LSM11: variants seen among roughly 807,000 people sequenced by gnomAD.
The protein encoded by LSM11 is U7 snRNA-associated Sm-like protein LSm11.
A neutral mutation model predicts 28.1 loss-of-function variants in LSM11; 14 were observed. The observed-to-expected ratio is 0.50, with a 90% CI of 0.33 to 0.78. The LOEUF is 0.78. Ranked by LOEUF, LSM11 falls within the 30% of genes least tolerant of loss-of-function variation. The pLI is 0.02. For synonymous variants in LSM11, 207 were observed against 214.2 expected, an observed-to-expected ratio of 0.97 and a Z score of 0.30; for missense variants, 495 against 510.6, an observed-to-expected ratio of 0.97 and a Z score of 0.30.
chr5:157,754,185 A>G (rs977381343), intron 3 of LSM11, 98 bp downstream of exon 3: 73 of 772,200 alleles, frequency 9.5e-5, no homozygotes, highest in Non-Finnish European at 1.3e-4. Flanking sequence ...CTAGAGGGAA[A>G]TCTCTGTTGC....
At chr5:157,752,676 A>G (rs1478393072) in intron 2 of LSM11, among the ~76,000 whole-genome samples, 3 of 151,376 alleles carry the variant, frequency 2.0e-5, no homozygotes, top group Middle Eastern at 3.2e-3. Flanking sequence ...GGAAACCCCC[A>G]TCTCTACTAA....
chr5:157,754,452 G>C (rs1761290201), intron 3 of LSM11, among the ~76,000 whole-genome samples: 1 of 152,116 alleles, frequency 6.6e-6, no homozygotes, highest in East Asian at 1.9e-4. Context: ...CCAGCACTTT[G>C]GGAGGCCGAG....
intron 1 of LSM11, 55 bp downstream of exon 1, chr5:157,744,253 C>T: frequency 8.3e-7 from 1 of 1,208,908 alleles, no homozygotes; most frequent in Non-Finnish European, 1.0e-6. Flanking sequence ...AAGCTGGCTG[C>T]CGAGGGGGCG....
At position 157,760,441 on chromosome 5, in the gene LSM11, T is replaced by C. The variant is rs1016673957; in HGVS notation, c.*5177T>C. 6.6e-6 allele frequency: 1 copy of C among 152,212 alleles called. No homozygotes were observed. Among genetic ancestry groups the C allele is most frequent in the Non-Finnish European group, 1.5e-5 (1 of 68,038 alleles). 9.4% of individuals were successfully genotyped at this position (152,212 alleles called of 1,614,324 possible). On this transcript the variant is annotated 3_prime_UTR_variant, in exon 4 of 4. Coordinates refer to ENST00000286307, the MANE Select transcript of LSM11 (RefSeq NM_173491.4). The stretch of plus-strand genomic sequence containing the variant: ...GCCTTCTCTTTGGCAACCCTGGGGA[T>C]ACTCCTCTGCACCATAACTTATTAA...
chr5:157,754,705 A>G (rs1761294790), intron 3 of LSM11, 149 bp from the exon 4 acceptor site: 2 of 693,726 alleles, frequency 2.9e-6, no homozygotes, highest in Non-Finnish European at 4.5e-6. Flanking sequence ...AAAAAAAAAA[A>G]AAAAAAAAGA....
rs140668241 is a variant in LSM11, at chr5:157,744,661, C to T, written c.448+463C>T. On this transcript the variant is annotated intron_variant, in intron 1 of 3. Coordinates refer to ENST00000286307, the MANE Select transcript of LSM11 (RefSeq NM_173491.4). ...GACCACAGTGAGAGGTAAGGTGGGG[C>T]GGAAAACGGGAGACGTGGGGGAGCG... 3.9e-3 allele frequency among the ~76,000 whole-genome samples: 584 copies of T among 151,656 alleles called. 3 individuals carry two copies. Among genetic ancestry groups the T allele is most frequent in the African/African-American group, 0.013 (523 of 41,284 alleles).
At chr5:157,748,441 A>T (rs73309097) in intron 1 of LSM11, among the ~76,000 whole-genome samples, 1 of 152,156 alleles carries the variant, frequency 6.6e-6, no homozygotes, top group Non-Finnish European at 1.5e-5. Flanking sequence ...AAGATTTCCA[A>T]TTTATCTGTT....
intron 2 of LSM11, 52 bp from the exon 3 acceptor site, chr5:157,753,952 A>G: frequency 1.3e-5 from 7 of 546,028 alleles, no homozygotes; most frequent in Non-Finnish European, 1.7e-5. Context: ...AAGCTATACA[A>G]ATAATAATTT....
intron 1 of LSM11, among the ~76,000 whole-genome samples, chr5:157,745,743 A>G (rs1429689570): frequency 6.6e-6 from 1 of 152,234 alleles, no homozygotes; most frequent in Non-Finnish European, 1.5e-5. Flanking sequence ...CCTGGAATCA[A>G]GATCTCAGAG....
rs1464649720 is a variant in LSM11, at chr5:157,760,014, T to C, written c.*4750T>C. 2.0e-5 allele frequency: 3 copies of C among 152,242 alleles called. No individual in the cohort carries two copies. The highest frequency in any genetic ancestry group is 4.4e-5 in the Non-Finnish European group (3 of 68,042). The allele number at this position is 152,242 out of a possible 1,614,324, so 9.4% of individuals were successfully genotyped here. On this transcript the variant is annotated 3_prime_UTR_variant, in exon 4 of 4. Coordinates refer to ENST00000286307, the MANE Select transcript of LSM11 (RefSeq NM_173491.4). ...GAAGATCTGCGGGGAAAAATAAGTGTGCACCTGAGACCTTCAGTTAGTCTT... is the reference window on the plus strand; with the variant it reads ...GAAGATCTGCGGGGAAAAATAAGTGCGCACCTGAGACCTTCAGTTAGTCTT...
Position 157,751,471 on chromosome 5 carries a change from A to G in LSM11, c.530A>G (p.Lys177Arg). The G allele has an allele frequency of 1.9e-6, 3 of 1,613,174 alleles. No homozygotes were observed. Among genetic ancestry groups the G allele is most frequent in the Middle Eastern group, 1.7e-4 (1 of 6,060 alleles). The change falls in exon 2 of 4, where the codon AAG becomes AGG. Residue 177 changes from lysine (K) to arginine (R), a missense_variant. By Grantham distance (26) the Lys-to-Arg change is conservative. Coordinates refer to ENST00000286307, the MANE Select transcript of LSM11 (RefSeq NM_173491.4). ...GTGAATGTTCACATCCGCACTTTCAAGGGACTTCGGGGCGTCTGTACAGGC... is the reference window on the plus strand; with the variant it reads ...GTGAATGTTCACATCCGCACTTTCAGGGGACTTCGGGGCGTCTGTACAGGC... The part of the protein sequence containing the change: ...VKVNVHIRTF[K>R]GLRGVCTGFL...
In LSM11 at chr5:157,744,060, G is replaced by A. The variant is rs747315224; in HGVS notation, c.310G>A (p.Ala104Thr). Reference protein sequence around the residue: ...GRTRRRPDAPAPDPERIQRLR... With the variant: ...GRTRRRPDAPTPDPERIQRLR... ...GACTCGTCGCCGCCCGGACGCGCCC[G>A]CCCCGGACCCCGAGCGCATCCAGCG... Residue 104 changes from alanine (A) to threonine (T), a missense_variant, in exon 1 of 4, where the codon GCC (alanine) becomes ACC (threonine). Physicochemically the swap from Ala to Thr is moderately conservative, Grantham distance 58. Transcript: ENST00000286307. 3 of 1,457,596 alleles carry A rather than the reference G, an allele frequency of 2.1e-6. 1 individual carries two copies. The South Asian group carries it at 3.9e-5, about 19-fold the overall frequency. The allele number at this position is 1,457,596 out of a possible 1,614,324, so 90.3% of individuals were successfully genotyped here.
rs1482224413 is a variant in LSM11 at position 157,743,961 on chromosome 5, G to C, written c.211G>C (p.Gly71Arg). The C allele has an allele frequency of 1.2e-5, 15 of 1,296,244 alleles. No homozygotes were observed. Among genetic ancestry groups the C allele is most frequent in the Non-Finnish European group, 1.5e-5 (15 of 1,020,858 alleles). 80.3% of individuals were successfully genotyped at this position (1,296,244 alleles called of 1,614,324 possible). A position where few individuals can be genotyped will look rare whatever the true frequency, so the allele number is the denominator to read the frequency against. Residue 71 changes from glycine to arginine, a missense_variant, in exon 1 of 4, where the codon GGG becomes CGG. By Grantham distance (125) the Gly-to-Arg change is moderately radical. Transcript: ENST00000286307. ...CCTCAGGACCGGAGTCCGGGGCGGCGGGCGCGGGCGCGGGCGGGCTCGGGG... is the reference window on the plus strand; with the variant it reads ...CCTCAGGACCGGAGTCCGGGGCGGCCGGCGCGGGCGCGGGCGGGCTCGGGG... ...SFLRTGVRGG[G>R]RGRGRARGAA...
At chr5:157,750,166 G>A (rs549311250) in intron 1 of LSM11, among the ~76,000 whole-genome samples, 3 of 152,280 alleles carry the variant, frequency 2.0e-5, no homozygotes, top group Admixed American at 6.5e-5. Flanking sequence ...TAGGGGGATC[G>A]CTTGAGCCAG....
In LSM11 at chr5:157,760,054, T is replaced by TA. The variant is rs1761386887; in HGVS notation, c.*4796dup. 6.6e-6 allele frequency: 1 copy of TA among 152,160 alleles called. No homozygotes were observed. Among genetic ancestry groups the TA allele is most frequent in the Non-Finnish European group, 1.5e-5 (1 of 68,010 alleles). The allele number at this position is 152,160 out of a possible 1,614,324, so 9.4% of individuals were successfully genotyped here. ...CAGTTAGTCTTTTATTTATTTAGAA[T>TA]AAAAAATAGTTTGATAACCTACCAG... On this transcript the variant is annotated 3_prime_UTR_variant, in exon 4 of 4. Coordinates refer to ENST00000286307, the MANE Select transcript of LSM11 (RefSeq NM_173491.4).
Position 157,758,986 on chromosome 5 carries a change from A to G in LSM11, c.*3722A>G, listed in dbSNP as rs1444780387. 1 of 152,182 alleles carries G rather than the reference A, an allele frequency of 6.6e-6. No homozygotes were observed. Among genetic ancestry groups the G allele is most frequent in the Non-Finnish European group, 1.5e-5 (1 of 68,038 alleles). 9.4% of individuals were successfully genotyped at this position (152,182 alleles called of 1,614,324 possible). ...GGGCTGTCTGTTCTAGTATTTGGGAAGTGTTTATGCTTCCTTCCAGGGACC... is the reference window on the plus strand; with the variant it reads ...GGGCTGTCTGTTCTAGTATTTGGGAGGTGTTTATGCTTCCTTCCAGGGACC... On this transcript the variant is annotated 3_prime_UTR_variant, in exon 4 of 4. Transcript: ENST00000286307.
At chr5:157,751,808 A>C (rs1202823250) in intron 2 of LSM11, among the ~76,000 whole-genome samples, 2 of 152,132 alleles carry the variant, frequency 1.3e-5, no homozygotes, top group Non-Finnish European at 2.9e-5. Context: ...ACTATAGGAG[A>C]GGGTACTACT....
In LSM11 at chr5:157,744,109, A is replaced by G. The variant is rs1416509634; in HGVS notation, c.359A>G (p.Lys120Arg). 1 of 1,486,716 alleles carries G rather than the reference A, an allele frequency of 6.7e-7. No individual in the cohort carries two copies. Among genetic ancestry groups the G allele is most frequent in the Non-Finnish European group, 8.9e-7 (1 of 1,123,760 alleles). The allele number at this position is 1,486,716 out of a possible 1,614,324, so 92.1% of individuals were successfully genotyped here. The change falls in exon 1 of 4, where the codon AAA becomes AGA. Residue 120 changes from lysine (K) to arginine (R), a missense_variant. Coordinates refer to ENST00000286307, the MANE Select transcript of LSM11 (RefSeq NM_173491.4). ...CGCCTCCGCCGTCTCATGGTGGCCA[A>G]AGAGGAAGGGGACGGGGCCGCAGGA... ...IQRLRRLMVA[K>R]EEGDGAAGAG...
Position 157,757,647 on chromosome 5 carries a change from C to T in LSM11, c.*2383C>T, listed in dbSNP as rs1207935865. ...ATTCTAAATAGTGTATCTGAAATCTCAGTTCCCAAAATAGTTGTCAGGTTT... is the reference window on the plus strand; with the variant it reads ...ATTCTAAATAGTGTATCTGAAATCTTAGTTCCCAAAATAGTTGTCAGGTTT... On this transcript the variant is annotated 3_prime_UTR_variant, in exon 4 of 4. Coordinates refer to ENST00000286307, the MANE Select transcript of LSM11 (RefSeq NM_173491.4). The T allele has an allele frequency of 6.6e-6, 1 of 152,182 alleles. No individual in the cohort carries two copies. Among genetic ancestry groups the T allele is most frequent in the Non-Finnish European group, 1.5e-5 (1 of 68,036 alleles). The allele number at this position is 152,182 out of a possible 1,614,324, so 9.4% of individuals were successfully genotyped here.
Sources: gnomAD v4.1 joint callset for allele counts (sites outside exome capture counted in the v4.1 genomes callset) on GRCh38, gnomAD v4.1.1 for gene constraint, MANE v1.5 for transcripts, NCBI Gene and HGNC (gene_info 2026-07-23, HGNC 2026-07-21) for gene names.